The following DENND2A variants were observed in gnomAD, a reference collection of about 807,000 sequenced individuals.
DENND2A encodes DENN domain containing 2A, also known as DENN domain-containing protein 2A.
A neutral mutation model predicts 105.3 loss-of-function variants in DENND2A; 53 were observed. The observed-to-expected ratio is 0.50, with a 90% confidence interval of 0.40 to 0.63. The LOEUF is 0.63. Ranked by LOEUF, DENND2A falls within the 30% of genes least tolerant of loss-of-function variation. DENND2A has a pLI of 0.00. For synonymous variants in DENND2A, 522 were observed against 508.4 expected, an observed-to-expected ratio of 1.03 and a Z score of -0.36; for missense variants, 1,138 against 1,279.6, an observed-to-expected ratio of 0.89 and a Z score of 1.69.
At chr7:140,550,926 T>G (rs1797106826) in intron 12 of DENND2A, among the ~76,000 whole-genome samples, 1 of 151,634 alleles carries the variant, frequency 6.6e-6, no homozygotes. Flanking sequence ...GACAATAATA[T>G]GAACAAAAAT....
chr7:140,594,935 C>T (rs1052968236), intron 3 of DENND2A, among the ~76,000 whole-genome samples: 1 of 151,944 alleles, frequency 6.6e-6, no homozygotes, highest in Non-Finnish European at 1.5e-5. Flanking sequence ...AGGAAGGTCT[C>T]GATCTCTTGA....
At chr7:140,544,963 T>G in intron 13 of DENND2A, 197 bp from the exon 14 acceptor site, 1 of 759,742 alleles carries the variant, frequency 1.3e-6, no homozygotes, top group Non-Finnish European at 1.6e-6. Context: ...AGGAGGTAGC[T>G]TTGGTAGGGA....
chr7:140,540,330 G>T (rs919581431), intron 14 of DENND2A, among the ~76,000 whole-genome samples: 2 of 152,268 alleles, frequency 1.3e-5, no homozygotes, highest in Non-Finnish European at 2.9e-5. Context: ...ACCTGCTTGT[G>T]GCAGCCACAG....
rs1798627091 is a variant in DENND2A, at chr7:140,583,445, T to C, written c.1245+2144A>G. Among the ~76,000 whole-genome samples, 4 of 150,140 alleles carry C rather than the reference T, an allele frequency of 2.7e-5. 1 individual carries two copies. In the South Asian group the frequency reaches 8.3e-4, roughly 31 times the overall value. On this transcript the variant is annotated intron_variant, in intron 5 of 19. Transcript: ENST00000496613. ...CTTCTTAAAGGACGCATGATTGAAC[T>C]GGGCCTCAGAGGATGGGGAGAGGTC...
intron 5 of DENND2A, among the ~76,000 whole-genome samples, chr7:140,580,968 A>T (rs1004934537): frequency 6.6e-6 from 1 of 151,362 alleles, no homozygotes; most frequent in Non-Finnish European, 1.5e-5. Flanking sequence ...AAGAACATAT[A>T]TTCAAAAGTA....
At chr7:140,560,752 G>C (rs1829769) in intron 9 of DENND2A, among the ~76,000 whole-genome samples, 138,260 of 152,080 alleles carry the variant, frequency 0.91, 62,889 homozygotes, top group East Asian at 0.99. Context: ...GCCAACATGG[G>C]GAGACCCCGT....
At chr7:140,616,263 G>A (rs962442251) in intron 1 of DENND2A, among the ~76,000 whole-genome samples, 1 of 152,156 alleles carries the variant, frequency 6.6e-6, no homozygotes, top group African/African-American at 2.4e-5. Flanking sequence ...GCTAGAGGCT[G>A]AGGCAGGAGA....
intron 2 of DENND2A, 69 bp from the exon 3 acceptor site, chr7:140,602,611 G>C (rs1452269840): frequency 2.3e-6 from 1 of 426,616 alleles, no homozygotes; most frequent in African/African-American, 2.0e-5. Context: ...AGATTTGCTA[G>C]AACTTAGATA....
chr7:140,577,233 T>C (rs1464682075), intron 5 of DENND2A, among the ~76,000 whole-genome samples: 1 of 152,122 alleles, frequency 6.6e-6, no homozygotes, highest in Non-Finnish European at 1.5e-5. Context: ...TATCTGAGAA[T>C]AGTGGTGAGG....
chr7:140,582,477 A>G (rs1798586002), intron 5 of DENND2A, among the ~76,000 whole-genome samples: 1 of 152,250 alleles, frequency 6.6e-6, no homozygotes, highest in African/African-American at 2.4e-5. Context: ...TTTCCAAGGC[A>G]AGCAGAGAGC....
At chr7:140,545,795 A>C (rs898438965) in intron 13 of DENND2A, among the ~76,000 whole-genome samples, 8 of 151,640 alleles carry the variant, frequency 5.3e-5, no homozygotes, top group African/African-American at 1.9e-4. Context: ...AGTGGATTTC[A>C]CTCTTAGTGT....
intron 1 of DENND2A, among the ~76,000 whole-genome samples, chr7:140,635,324 T>C (rs1398265552): frequency 6.6e-6 from 1 of 152,214 alleles, no homozygotes; most frequent in African/African-American, 2.4e-5. Flanking sequence ...ATAACTTTCA[T>C]AGATTACATA....
intron 6 of DENND2A, among the ~76,000 whole-genome samples, chr7:140,572,141 G>T (rs545722124): frequency 1.3e-5 from 2 of 152,126 alleles, no homozygotes; most frequent in South Asian, 2.1e-4. Flanking sequence ...ATGTAGCTGG[G>T]ACTACAAGTG....
chr7:140,617,060 G>A (rs528232114), intron 1 of DENND2A, among the ~76,000 whole-genome samples: 41 of 152,308 alleles, frequency 2.7e-4, no homozygotes, highest in Admixed American at 2.7e-3. Context: ...GTTTCACCAT[G>A]TTGGCCAGGA....
intron 13 of DENND2A, 77 bp from the exon 14 acceptor site, chr7:140,544,843 GGGCTCT>G: frequency 6.5e-7 from 1 of 1,541,862 alleles, no homozygotes; most frequent in South Asian, 1.2e-5. Flanking sequence ...CGCAGTCCCA[GGGCTCT>G]GAGGTCCTCA....
chr7:140,628,145 C>G (rs1427817355), intron 1 of DENND2A, among the ~76,000 whole-genome samples: 5 of 152,216 alleles, frequency 3.3e-5, no homozygotes, highest in African/African-American at 1.2e-4. Flanking sequence ...CTCAACTCAC[C>G]TGCAGGGCTG....
chr7:140,623,720 G>GAAAAA (rs34329204), intron 1 of DENND2A, among the ~76,000 whole-genome samples: 1 of 121,988 alleles, frequency 8.2e-6, no homozygotes, highest in Non-Finnish European at 1.8e-5. Flanking sequence ...ACTCCGTCTA[G>GAAAAA]AAAAAAAAAA....
intron 14 of DENND2A, among the ~76,000 whole-genome samples, chr7:140,528,659 C>T (rs565514613): frequency 1.3e-5 from 2 of 151,384 alleles, no homozygotes; most frequent in African/African-American, 4.9e-5. Flanking sequence ...ACTCAGGAGG[C>T]TGAGGCAGGA....
At chr7:140,634,546 C>T (rs578091926) in intron 1 of DENND2A, among the ~76,000 whole-genome samples, 18 of 152,182 alleles carry the variant, frequency 1.2e-4, no homozygotes, top group Admixed American at 1.1e-3. Context: ...GTTTTGTTAA[C>T]TTTTAAAAGA....
Sources: allele counts gnomAD v4.1 joint callset (sites outside exome capture counted in the v4.1 genomes callset), GRCh38; gene constraint gnomAD v4.1.1; transcripts MANE v1.5; gene names NCBI Gene and HGNC (gene_info 2026-07-23, HGNC 2026-07-21).